The following SEZ6L variants were observed in gnomAD, a reference collection of about 807,000 sequenced individuals.
The protein encoded by SEZ6L is seizure related 6 homolog like, also known as seizure 6-like protein.
In SEZ6L, 37 loss-of-function variants were observed where a neutral mutation model predicts 106.2. The ratio of observed to expected loss-of-function variants is 0.35; its 90% confidence interval spans 0.27 to 0.46. SEZ6L has a LOEUF of 0.46. Ranked by LOEUF, SEZ6L falls within the 20% of genes least tolerant of loss-of-function variation. The pLI, the probability that SEZ6L is intolerant of heterozygous loss-of-function variation, is 1.00. For missense variants in SEZ6L, 1,172 were observed against 1,332.8 expected (o/e 0.88, Z 1.88); for synonymous variants, 541 against 570.4 (o/e 0.95, Z 0.73).
chr22:26,253,178 C>G (rs2079666097), intron 1 of SEZ6L, among the ~76,000 whole-genome samples: 1 of 152,154 alleles, frequency 6.6e-6, no homozygotes, highest in African/African-American at 2.4e-5. Flanking sequence ...ACAGTGTAAG[C>G]AAATTACACA....
chr22:26,323,730 A>G (rs2082220698), intron 9 of SEZ6L, among the ~76,000 whole-genome samples: 1 of 152,150 alleles, frequency 6.6e-6, no homozygotes. Flanking sequence ...TTTTACCCCT[A>G]CTATATCCCA....
rs1483187257 is a variant in SEZ6L at position 26,380,416 on chromosome 22, T to C, written c.*121T>C. 2.7e-6 allele frequency: 2 copies of C among 744,162 alleles called. No individual in the cohort carries two copies. Among genetic ancestry groups the C allele is most frequent in the Non-Finnish European group, 2.3e-6 (1 of 428,042 alleles). The allele number at this position is 744,162 out of a possible 1,614,324, so 46.1% of individuals were successfully genotyped here. Reference sequence around the variant, plus strand: ...AATGTCGACTGTCTTTTGTTTAGACTCTTTATCAAAGGTTTACTGTTTTCT... The same window carrying C: ...AATGTCGACTGTCTTTTGTTTAGACCCTTTATCAAAGGTTTACTGTTTTCT... On this transcript the variant is annotated 3_prime_UTR_variant, in exon 17 of 17. Transcript: ENST00000248933.
chr22:26,321,908 G>A (rs765537843), intron 9 of SEZ6L, among the ~76,000 whole-genome samples: 3 of 152,038 alleles, frequency 2.0e-5, no homozygotes, highest in African/African-American at 7.2e-5. Flanking sequence ...CTCCCTCTTC[G>A]TCTACTGGGC....
intron 14 of SEZ6L, 76 bp from the exon 15 acceptor site, chr22:26,375,499 G>C: frequency 8.4e-7 from 1 of 1,190,252 alleles, no homozygotes; most frequent in Non-Finnish European, 1.2e-6. Flanking sequence ...CCAAAGGGGT[G>C]GAGAACTGGG....
intron 1 of SEZ6L, among the ~76,000 whole-genome samples, chr22:26,265,108 G>A (rs2080134115): frequency 6.6e-6 from 1 of 152,072 alleles, no homozygotes; most frequent in Non-Finnish European, 1.5e-5. Flanking sequence ...CAGTGTAGCA[G>A]GATCCTATAT....
At chr22:26,244,147 A>C (rs924392777) in intron 1 of SEZ6L, among the ~76,000 whole-genome samples, 1 of 137,698 alleles carries the variant, frequency 7.3e-6, no homozygotes, top group African/African-American at 2.6e-5. Flanking sequence ...TGGGTGACAA[A>C]GTGAGACCCT....
intron 10 of SEZ6L, among the ~76,000 whole-genome samples, chr22:26,345,511 A>C (rs2082978396): frequency 6.6e-6 from 1 of 152,136 alleles, no homozygotes; most frequent in Non-Finnish European, 1.5e-5. Context: ...CCATAGTCTG[A>C]GCATCTGCAG....
rs771345484 is a variant in SEZ6L at position 26,334,978 on chromosome 22, G to A, written c.2016-5458G>A. Among the ~76,000 whole-genome samples the A allele has an allele frequency of 3.9e-5, 6 of 152,098 alleles. No individual in the cohort carries two copies. The South Asian group carries it at 8.3e-4, about 21-fold the overall frequency. ...CGTTTTCCTAGCGCCTCCTTGGATC[G>A]TATCTAGCTGACATCTCAATTCAGA... On this transcript the variant is annotated intron_variant, in intron 9 of 16. Transcript: ENST00000248933.
rs576103650 is a variant in SEZ6L at position 26,214,790 on chromosome 22, A to G, written c.94+45027A>G. Among the ~76,000 whole-genome samples, 9 of 152,324 alleles carry G rather than the reference A, an allele frequency of 5.9e-5. No homozygotes were observed. In the East Asian group the frequency reaches 1.7e-3, roughly 29 times the overall value. On this transcript the variant is annotated intron_variant, in intron 1 of 16. Transcript: ENST00000248933. The stretch of plus-strand genomic sequence containing the variant: ...AGAAGGGGAAAAAAGTAGAAAACAC[A>G]GAATTATGACTTGGGGAATAGACAG...
At chr22:26,174,020 G>A (rs1007022035) in intron 1 of SEZ6L, among the ~76,000 whole-genome samples, 3 of 152,142 alleles carry the variant, frequency 2.0e-5, no homozygotes, top group Non-Finnish European at 2.9e-5. Flanking sequence ...CTACGCATGC[G>A]GTAGACCTTG....
At chr22:26,283,220 G>A (rs2080829735) in intron 1 of SEZ6L, among the ~76,000 whole-genome samples, 2 of 152,032 alleles carry the variant, frequency 1.3e-5, no homozygotes, top group African/African-American at 2.4e-5. Context: ...GCATCCGGCT[G>A]CAATACGACT....
chr22:26,311,710 A>G (rs1277733231), intron 7 of SEZ6L, 58 bp from the exon 8 acceptor site: 6 of 1,451,054 alleles, frequency 4.1e-6, no homozygotes, highest in Non-Finnish European at 4.8e-6. Flanking sequence ...TCTGAAATAT[A>G]GCACCGTGGG....
At chr22:26,255,750 G>A (rs185803810) in intron 1 of SEZ6L, among the ~76,000 whole-genome samples, 2 of 152,370 alleles carry the variant, frequency 1.3e-5, no homozygotes, top group Non-Finnish European at 2.9e-5. Context: ...CGCAGCAGTT[G>A]TCTATCTGAC....
At chr22:26,379,442 C>T (rs1384943401) in intron 16 of SEZ6L, among the ~76,000 whole-genome samples, 1 of 152,226 alleles carries the variant, frequency 6.6e-6, no homozygotes, top group Non-Finnish European at 1.5e-5. Context: ...CACCTTGGGG[C>T]CTGCCCACCA....
At chr22:26,228,221 C>T (rs916477900) in intron 1 of SEZ6L, among the ~76,000 whole-genome samples, 2 of 152,092 alleles carry the variant, frequency 1.3e-5, no homozygotes, top group African/African-American at 4.8e-5. Flanking sequence ...GAAAAACAAA[C>T]GAGCTAGAAA....
At chr22:26,220,040 G>C (rs2078418487) in intron 1 of SEZ6L, among the ~76,000 whole-genome samples, 1 of 152,192 alleles carries the variant, frequency 6.6e-6, no homozygotes, top group South Asian at 2.1e-4. Flanking sequence ...ATGCCAGTGA[G>C]CTTTGATGGG....
chr22:26,377,515 A>C (rs1246643903), intron 15 of SEZ6L, among the ~76,000 whole-genome samples, 158 bp from the exon 16 acceptor site: 1 of 152,138 alleles, frequency 6.6e-6, no homozygotes, highest in Admixed American at 6.5e-5. Flanking sequence ...CTTTCACCTC[A>C]CTAGGATTCT....
chr22:26,366,306 C>G (rs542501401), intron 13 of SEZ6L, among the ~76,000 whole-genome samples: 1 of 152,254 alleles, frequency 6.6e-6, no homozygotes, highest in East Asian at 1.9e-4. Context: ...TGCACTCCAG[C>G]CTGGGTGACA....
At chr22:26,200,290 G>A (rs1171706844) in intron 1 of SEZ6L, among the ~76,000 whole-genome samples, 1 of 152,198 alleles carries the variant, frequency 6.6e-6, no homozygotes, top group Admixed American at 6.5e-5. Context: ...GTGTATGCAT[G>A]TGCATGCCTG....
Sources: gnomAD v4.1 joint callset for allele counts (sites outside exome capture counted in the v4.1 genomes callset) on GRCh38, gnomAD v4.1.1 for gene constraint, MANE v1.5 for transcripts, NCBI Gene and HGNC (gene_info 2026-07-23, HGNC 2026-07-21) for gene names.